Variants in ACTR8 observed in about 807,000 individuals in gnomAD.
ACTR8 encodes the protein actin related protein 8, also known as actin-related protein 8.
ACTR8 carries 70 observed loss-of-function variants against 84.3 expected under a neutral mutation model. The ratio of observed to expected loss-of-function variants is 0.83; its 90% CI spans 0.68 to 1.01. The LOEUF (loss-of-function observed/expected upper bound fraction) is 1.01, where lower values mean the gene tolerates loss of function less well. ACTR8 is among the 50% of genes least tolerant of loss of function. The pLI is 0.00. For missense variants in ACTR8, 672 were observed against 775.4 expected (o/e 0.87, Z 1.58); for synonymous variants, 268 against 275.2 (o/e 0.97, Z 0.26).
At chr3:53,874,180 A>T in intron 8 of ACTR8, 31 bp downstream of exon 8, 1 of 1,579,484 alleles carries the variant, frequency 6.3e-7, no homozygotes, top group Non-Finnish European at 8.6e-7. Flanking sequence ...CTAGAAACAA[A>T]AATAATCAGC....
At chr3:53,872,570 G>GA in intron 9 of ACTR8, 46 bp from the exon 10 acceptor site, 4 of 1,505,002 alleles carry the variant, frequency 2.7e-6, no homozygotes, top group East Asian at 2.4e-5. Context: ...ACTGCATCCT[G>GA]AAAAAAACTG....
chr3:53,877,260 G>C lies in ACTR8; in HGVS notation c.638C>G (p.Ser213Cys), dbSNP rs755893620. Residue 213 changes from serine to cysteine, a missense_variant, in exon 5 of 13, where the codon TCT becomes TGT. Ser to Cys is a moderately radical substitution (Grantham distance 112). Coordinates refer to ENST00000335754, the MANE Select transcript of ACTR8 (RefSeq NM_022899.5). Reference protein sequence around the residue: ...AVLADIEVIWSHAIQKYLEIP... With the variant: ...AVLADIEVIWCHAIQKYLEIP... ...TTCCAAGTATTTTTGTATCGCATGA[G>C]ACCATATTACTTCAATATCTGCCAG... is the stretch of plus-strand genomic sequence containing the variant. The C allele has an allele frequency of 3.6e-5, 58 of 1,613,356 alleles. No homozygotes were observed. The highest frequency in any genetic ancestry group is 4.8e-5 in the Non-Finnish European group (57 of 1,179,820).
chr3:53,859,865 T>A, the ACTR8 span: 1 of 326,192 alleles, frequency 3.1e-6, no homozygotes, highest in Non-Finnish European at 5.7e-6. Context: ...CTCTACAAAG[T>A]GGCTGGGCGC....
the ACTR8 span, chr3:53,860,255 T>G: frequency 6.5e-7 from 1 of 1,546,650 alleles, no homozygotes; most frequent in Non-Finnish European, 8.8e-7. Context: ...TTTAAAGACA[T>G]CCTAGTAAGG....
In ACTR8 at chr3:53,868,525, T is replaced by C; in HGVS notation, c.*194A>G. On this transcript the variant is annotated 3_prime_UTR_variant, in exon 13 of 13. Transcript: ENST00000335754. ...GAGAAAGTTCCTATTTATTCTCAAATGCCCTGACTAAACTGCTCAAAAGCA... is the reference window on the plus strand; with the variant it reads ...GAGAAAGTTCCTATTTATTCTCAAACGCCCTGACTAAACTGCTCAAAAGCA... 2.7e-6 allele frequency: 2 copies of C among 732,458 alleles called. No individual in the cohort carries two copies. The highest frequency in any genetic ancestry group is 2.2e-5 in the South Asian group (1 of 45,304). The allele number at this position is 732,458 out of a possible 1,614,324, so 45.4% of individuals were successfully genotyped here.
chr3:53,877,935 T>TC (rs1700001651), intron 3 of ACTR8, among the ~76,000 whole-genome samples, 184 bp from the exon 4 acceptor site: 1 of 152,126 alleles, frequency 6.6e-6, no homozygotes, highest in Non-Finnish European at 1.5e-5. Context: ...GGGTTCTTTT[T>TC]CCCCCAATTT....
intron 4 of ACTR8, 38 bp downstream of exon 4, chr3:53,877,609 T>G (rs555875327): frequency 6.3e-7 from 1 of 1,580,360 alleles, no homozygotes; most frequent in South Asian, 1.1e-5. Flanking sequence ...GAGGATCAGC[T>G]TCCCCTTCTT....
In ACTR8 at chr3:53,870,324, G is replaced by A. The variant is rs79749330; in HGVS notation, c.1568-179C>T. The A allele has an allele frequency of 0.078, 51,472 of 657,374 alleles. 2,986 individuals are homozygous for A. Among genetic ancestry groups the A allele is most frequent in the East Asian group, 0.19 (7,127 of 36,770 alleles). 40.7% of individuals were successfully genotyped at this position (657,374 alleles called of 1,614,324 possible). A position where few individuals can be genotyped will look rare whatever the true frequency, so the allele number is the denominator to read the frequency against. On this transcript the variant is annotated intron_variant, in intron 11 of 12. Coordinates refer to ENST00000335754, the MANE Select transcript of ACTR8 (RefSeq NM_022899.5). The surrounding 1 kb of genome is among the most constrained non-coding windows in gnomAD (Gnocchi z 4.1). ...AACACAAATGTAGGCATGTTGCCAC[G>A]CCACCGCAATCCTACTTGCAGGATT...
In ACTR8 at chr3:53,879,258, C is replaced by T. The variant is rs143915313; in HGVS notation, c.294+681G>A. Reference sequence around the variant, plus strand: ...CTTATATCAGCAAGTTATATTTAAACTTACAACTAGACTTACGTAGAGTCT... The same window carrying T: ...CTTATATCAGCAAGTTATATTTAAATTTACAACTAGACTTACGTAGAGTCT... On this transcript the variant is annotated intron_variant, in intron 2 of 12. Transcript: ENST00000335754. Among the ~76,000 whole-genome samples, 1,277 of 152,284 alleles carry T rather than the reference C, an allele frequency of 8.4e-3. 12 individuals carry two copies. Among genetic ancestry groups the T allele is most frequent in the Admixed American group, 0.013 (199 of 15,300 alleles).
intron 6 of ACTR8, among the ~76,000 whole-genome samples, 168 bp from the exon 7 acceptor site, chr3:53,876,248 G>T (rs1265038114): frequency 6.6e-6 from 1 of 152,176 alleles, no homozygotes; most frequent in Non-Finnish European, 1.5e-5. Context: ...GCCCGGCGCG[G>T]TGGCTCACGT....
At chr3:53,877,155 G>A (rs1699988196) in intron 5 of ACTR8, 59 bp downstream of exon 5, 3 of 1,484,010 alleles carry the variant, frequency 2.0e-6, no homozygotes, top group South Asian at 1.4e-5. Context: ...TCGGTAACGT[G>A]TACTTTCATT....
downstream of ACTR8, chr3:53,865,353 C>A (rs1559787045): frequency 4.1e-6 from 6 of 1,457,454 alleles, no homozygotes; most frequent in Admixed American, 4.1e-5. Flanking sequence ...CCTATCCCAC[C>A]AATTACAGGG....
chr3:53,876,493 T>C, intron 6 of ACTR8, 127 bp downstream of exon 6: 1 of 651,230 alleles, frequency 1.5e-6, no homozygotes, highest in Non-Finnish European at 2.6e-6. Context: ...CACTCCAGCC[T>C]GGGCGACAGA....
In ACTR8 at chr3:53,873,184, A is replaced by T. The variant is rs755316797; in HGVS notation, c.1066-57T>A. 3.6e-6 allele frequency: 5 copies of T among 1,377,178 alleles called. No individual in the cohort carries two copies. The African/African-American group carries it at 7.1e-5, about 20-fold the overall frequency. 85.3% of individuals were successfully genotyped at this position (1,377,178 alleles called of 1,614,324 possible). The stretch of plus-strand genomic sequence containing the variant: ...CAGTAAGAATGCATGTAAACTCTTC[A>T]AATTATGCTTCAGCCTCACCATCAT... On this transcript the variant is annotated intron_variant, in intron 8 of 12. Coordinates refer to ENST00000335754, the MANE Select transcript of ACTR8 (RefSeq NM_022899.5).
At chr3:53,873,330 T>C (rs1337736372) in intron 8 of ACTR8, among the ~76,000 whole-genome samples, 1 of 152,242 alleles carries the variant, frequency 6.6e-6, no homozygotes, top group Admixed American at 6.5e-5. Flanking sequence ...TTTCCACTGT[T>C]TGCATTATTT....
At chr3:53,879,715 G>C (rs937823999) in intron 2 of ACTR8, among the ~76,000 whole-genome samples, 1 of 152,122 alleles carries the variant, frequency 6.6e-6, no homozygotes, top group African/African-American at 2.4e-5. Flanking sequence ...TTCCATTATA[G>C]ATCACCTTCA....
intron 5 of ACTR8, among the ~76,000 whole-genome samples, 161 bp downstream of exon 5, chr3:53,877,053 T>G (rs1380209809): frequency 6.7e-6 from 1 of 150,172 alleles, no homozygotes; most frequent in African/African-American, 2.5e-5. Context: ...AGAAGGGAAT[T>G]AAGTGAAGAA....
At chr3:53,877,480 A>C in intron 4 of ACTR8, 93 bp from the exon 5 acceptor site, 2 of 1,387,034 alleles carry the variant, frequency 1.4e-6, no homozygotes, top group Non-Finnish European at 1.9e-6. Context: ...ACGTTTGCTG[A>C]ATGTGAGAAA....
At chr3:53,862,122 C>A (rs186470690), downstream of ACTR8, among the ~76,000 whole-genome samples, 3 of 152,318 alleles carry the variant, frequency 2.0e-5, no homozygotes, top group East Asian at 5.8e-4. Context: ...TCAGAAGTAC[C>A]TTCCCAGGAA....
Sources: allele counts gnomAD v4.1 joint callset (sites outside exome capture counted in the v4.1 genomes callset), GRCh38; gene constraint gnomAD v4.1.1; non-coding constraint Gnocchi (gnomAD v3.1); transcripts MANE v1.5; gene names NCBI Gene and HGNC (gene_info 2026-07-23, HGNC 2026-07-21).